Variants in TBC1D25 observed in about 807,000 individuals in gnomAD.
TBC1D25 encodes the protein TBC1 domain family member 25.
A neutral mutation model predicts 38.8 loss-of-function variants in TBC1D25; 13 were observed. That is an observed-to-expected ratio of 0.34 (90% confidence interval 0.22 to 0.53). The LOEUF (loss-of-function observed/expected upper bound fraction) is 0.53. Among genes scored for constraint, TBC1D25 ranks in the 20% least tolerant of loss-of-function variants. TBC1D25 has a pLI of 0.94. For missense variants in TBC1D25, 372 were observed against 600.0 expected (o/e 0.62, Z 3.97); for synonymous variants, 225 against 255.6 (o/e 0.88, Z 1.14).
rs568082594 is a variant in TBC1D25 at position 48,560,677 on chromosome X, C to T, written c.1769C>T (p.Pro590Leu). ...GSPLMQEVGS[P>L]KDPGKSLPPV... ...CCCTTGATGCAAGAGGTAGGCTCCC[C>T]GAAAGACCCTGGAAAGTCCCTGCCA... The change falls in exon 6 of 6, where the codon CCG (proline) becomes CTG (leucine). Residue 590 changes from proline to leucine, a missense_variant. Pro to Leu is a moderately conservative substitution (Grantham distance 98). This residue lies in a region of TBC1D25 where 312 missense variants were observed against 549.3 expected (regional missense o/e 0.57). Coordinates refer to ENST00000376771, the MANE Select transcript of TBC1D25 (RefSeq NM_002536.4). 22 of 1,211,751 alleles carry T rather than the reference C, an allele frequency of 1.8e-5. No homozygotes were observed. The highest frequency in any genetic ancestry group is 1.6e-4 in the South Asian group (9 of 56,980).
Position 48,560,377 on chromosome X carries a change from C to A in TBC1D25, c.1469C>A (p.Thr490Lys). Reference sequence around the variant, plus strand: ...GAAGATGCTGTTGACCACCTGGCCACAGCCAGTCAGGGGCCTGGTGGTGGG... The same window carrying A: ...GAAGATGCTGTTGACCACCTGGCCAAAGCCAGTCAGGGGCCTGGTGGTGGG... ...TFEDAVDHLA[T>K]ASQGPGGGGR... Residue 490 changes from threonine (T) to lysine (K), a missense_variant, in exon 6 of 6, where the codon ACA (threonine) becomes AAA (lysine). Transcript: ENST00000376771. The A allele has an allele frequency of 8.3e-7, 1 of 1,211,638 alleles. No homozygotes were observed. The highest frequency in any genetic ancestry group is 1.1e-6 in the Non-Finnish European group (1 of 895,497).
chrX:48,561,112 C>CT lies in TBC1D25; in HGVS notation c.*138dup. ...AGCATAGAGCCCTTCCTCCCCAGGC[C>CT]TAAGTATGTGGAGCTCTGCTTTGGC... On this transcript the variant is annotated 3_prime_UTR_variant, in exon 6 of 6. Transcript: ENST00000376771. 1.4e-6 allele frequency: 1 copy of CT among 725,936 alleles called. No homozygotes were observed. The highest frequency in any genetic ancestry group is 1.9e-6 in the Non-Finnish European group (1 of 514,693). The allele number at this position is 725,936 out of a possible 1,213,427, so 59.8% of individuals were successfully genotyped here.
chrX:48,556,103 G>A (rs1260910088), intron 3 of TBC1D25, among the ~76,000 whole-genome samples: 17 of 108,076 alleles, frequency 1.6e-4, no homozygotes, highest in Admixed American at 1.0e-3. Context: ...CCCTTTATGC[G>A]TGTCGGGCTG....
rs1311842682 is a variant in TBC1D25, at chrX:48,542,933, C to T, written c.233+1491C>T. On this transcript the variant is annotated intron_variant, in intron 2 of 5. Coordinates refer to ENST00000376771, the MANE Select transcript of TBC1D25 (RefSeq NM_002536.4). ...GTCAACTTACAGTATTTCCAACTTACGATGAGTTTATTGGTACATAACCCT... is the reference window on the plus strand; with the variant it reads ...GTCAACTTACAGTATTTCCAACTTATGATGAGTTTATTGGTACATAACCCT... 7.2e-5 allele frequency among the ~76,000 whole-genome samples: 8 copies of T among 111,458 alleles called. No individual in the cohort carries two copies. In the East Asian group the frequency reaches 1.7e-3, roughly 24 times the overall value.
Position 48,546,212 on chromosome X carries a change from CAAAAA to C in TBC1D25, c.388+1202_388+1206del, listed in dbSNP as rs782072122. Among the ~76,000 whole-genome samples, 3 of 57,052 alleles carry C rather than the reference CAAAAA, an allele frequency of 5.3e-5. No homozygotes were observed. The South Asian group carries it at 3.1e-3, about 59-fold the overall frequency. The allele number at this position is 57,052 out of a possible 115,157, so 49.5% of individuals were successfully genotyped here. ...TGGGTGACAGAGCGAGACTTCATCT[CAAAAA>C]AAAAAAAAAAAAGAGGCTGAGCACG... On this transcript the variant is annotated intron_variant, in intron 3 of 5. Transcript: ENST00000376771.
intron 3 of TBC1D25, among the ~76,000 whole-genome samples, chrX:48,551,197 T>C (rs2061929069): frequency 8.9e-6 from 1 of 112,023 alleles, no homozygotes; most frequent in South Asian, 3.7e-4. Context: ...AACACTTGGA[T>C]GTTTCTTCAG....
rs782361300 is a variant in TBC1D25, at chrX:48,559,874, C to T, written c.966C>T (p.Ala322=). 4.9e-5 allele frequency: 59 copies of T among 1,210,211 alleles called. No individual in the cohort carries two copies. Among genetic ancestry groups the T allele is most frequent in the Admixed American group, 4.6e-4 (21 of 45,792 alleles). ...TGCACGACCTGCTCACCACCTATGC[C>T]GTTACCCACCCACAGGTGTCCTACT... The part of the protein sequence containing the change: ...RALHDLLTTY[A]VTHPQVSYCQ... The change falls in exon 6 of 6, where the codon GCC becomes GCT. Residue 322 remains alanine (A), a synonymous_variant. Transcript: ENST00000376771.
At chrX:48,544,191 G>A (rs1416055828) in intron 2 of TBC1D25, among the ~76,000 whole-genome samples, 2 of 111,139 alleles carry the variant, frequency 1.8e-5, no homozygotes, top group Non-Finnish European at 3.8e-5. Flanking sequence ...ATTCTTAGTT[G>A]TTATTAGACT....
rs1556985177 is a variant in TBC1D25 at position 48,559,165 on chromosome X, G to A, written c.524G>A (p.Arg175His). ...CTCCCTCCCTCCTCATAGGTGGGCC[G>A]TACCTTGTCTAAGGTCCAACAAGTG... The part of the protein sequence containing the change: ...FTQSILTQVG[R>H]TLSKVQQVLS... Residue 175 changes from arginine (R) to histidine (H), a missense_variant, in exon 5 of 6, where the codon CGT becomes CAT. By Grantham distance (29) the Arg-to-His change is conservative. Around this residue, in one of 2 missense-constraint regions of TBC1D25, gnomAD observed 312 missense variants for 549.3 expected, o/e 0.57. Coordinates refer to ENST00000376771, the MANE Select transcript of TBC1D25 (RefSeq NM_002536.4). 3.3e-6 allele frequency: 4 copies of A among 1,210,158 alleles called. No individual in the cohort carries two copies. Among genetic ancestry groups the A allele is most frequent in the South Asian group, 1.8e-5 (1 of 56,762 alleles).
chrX:48,548,241 G>A (rs1406878938), intron 3 of TBC1D25, among the ~76,000 whole-genome samples: 1 of 108,145 alleles, frequency 9.2e-6, no homozygotes, highest in Non-Finnish European at 1.9e-5. Flanking sequence ...TCAGCCTCCT[G>A]AGTAGCTGGG....
chrX:48,560,916 T>G lies in TBC1D25; in HGVS notation c.2008T>G (p.Tyr670Asp), dbSNP rs1556986218. 8.3e-7 allele frequency: 1 copy of G among 1,210,890 alleles called. No individual in the cohort carries two copies. The highest frequency in any genetic ancestry group is 1.1e-6 in the Non-Finnish European group (1 of 895,287). Residue 670 changes from tyrosine (Y) to aspartate (D), a missense_variant, in exon 6 of 6, where the codon TAC (tyrosine) becomes GAC (aspartate). Tyr to Asp is a radical substitution (Grantham distance 160). Transcript: ENST00000376771. ...CCGGGCTAGGGCTCTCTTTGCTGAT[T>G]ACCTGCAGTCAGAGGTGTGGGACTC... ...LRRARALFAD[Y>D]LQSEVWDSEE...
At chrX:48,544,125 A>G (rs1446926522) in intron 2 of TBC1D25, among the ~76,000 whole-genome samples, 1 of 111,971 alleles carries the variant, frequency 8.9e-6, no homozygotes, top group African/African-American at 3.2e-5. Flanking sequence ...TTCCATGGTT[A>G]TGATGAGCAT....
rs1163096058 is a variant in TBC1D25 at position 48,559,443 on chromosome X, G to A, written c.705+97G>A. 14 of 1,103,621 alleles carry A rather than the reference G, an allele frequency of 1.3e-5. No homozygotes were observed. The South Asian group carries it at 1.7e-4, about 14-fold the overall frequency. 91.0% of individuals were successfully genotyped at this position (1,103,621 alleles called of 1,213,427 possible). On this transcript the variant is annotated intron_variant, in intron 5 of 5. Coordinates refer to ENST00000376771, the MANE Select transcript of TBC1D25 (RefSeq NM_002536.4). ...CAGCCACACTGCTGTGGGCAAGGGT[G>A]GAGATGTTACAGGGCACGAAGTTCT...
intron 3 of TBC1D25, among the ~76,000 whole-genome samples, chrX:48,557,643 C>CAAA (rs782150312): frequency 1.2e-5 from 1 of 80,641 alleles, no homozygotes. Context: ...AACTCCGCCT[C>CAAA]AAAAAAAAAA....
intron 1 of TBC1D25, 145 bp downstream of exon 1, chrX:48,540,065 G>T (rs1556979831): frequency 4.9e-6 from 4 of 812,925 alleles, no homozygotes; most frequent in Non-Finnish European, 6.2e-6. Context: ...GATGGCGAGG[G>T]GTAGGGAGGG....
At position 48,548,428 on chromosome X, in the gene TBC1D25, GT is replaced by G. The variant is rs1378737697; in HGVS notation, c.388+3409del. Among the ~76,000 whole-genome samples, 4 of 111,253 alleles carry G rather than the reference GT, an allele frequency of 3.6e-5. No homozygotes were observed. The Admixed American group carries it at 3.9e-4, about 11-fold the overall frequency. On this transcript the variant is annotated intron_variant, in intron 3 of 5. Transcript: ENST00000376771. ...ACCGCACCCAGCCTTAATCATTATA[GT>G]TTTATGATATGTTTTCATGTTTTCC...
intron 3 of TBC1D25, among the ~76,000 whole-genome samples, chrX:48,549,139 TCTC>T (rs1239225680): frequency 1.8e-5 from 2 of 112,503 alleles, no homozygotes; most frequent in Non-Finnish European, 1.9e-5. Context: ...GACCTCAAGC[TCTC>T]CTCCTGCCTC....
intron 3 of TBC1D25, among the ~76,000 whole-genome samples, chrX:48,545,490 T>G (rs782674818): frequency 2.7e-5 from 3 of 112,278 alleles, no homozygotes; most frequent in Admixed American, 9.5e-5. Flanking sequence ...TGTTTATTCA[T>G]TCAGTCATTC....
chrX:48,553,620 T>TC (rs1556983860), intron 3 of TBC1D25, among the ~76,000 whole-genome samples: 2 of 93,153 alleles, frequency 2.1e-5, no homozygotes, highest in Non-Finnish European at 4.3e-5. Flanking sequence ...CTTTTTCTTT[T>TC]TTTTTTTTTT....
Sources: allele counts gnomAD v4.1 joint callset (sites outside exome capture counted in the v4.1 genomes callset), GRCh38; gene constraint gnomAD v4.1.1; regional missense constraint gnomAD v4.1.1; transcripts MANE v1.5; gene names NCBI Gene and HGNC (gene_info 2026-07-23, HGNC 2026-07-21).